ASCC3: variants seen among roughly 807,000 people sequenced by gnomAD.
ASCC3 encodes the protein activating signal cointegrator 1 complex subunit 3, also known as ASC-1 complex subunit P200.
Under a neutral mutation model 256.3 loss-of-function variants are expected in ASCC3, and 158 were observed. That is an observed-to-expected ratio of 0.62 (90% confidence interval 0.54 to 0.70). ASCC3 has a LOEUF of 0.70. Among genes scored for constraint, ASCC3 ranks in the 30% least tolerant of loss-of-function variants. The pLI is 0.00. For synonymous variants in ASCC3, 948 were observed against 883.4 expected (o/e 1.07, Z -1.30); for missense variants, 2,259 against 2,626.0 (o/e 0.86, Z 3.05).
chr6:100,819,352 G>A (rs1770927716), intron 4 of ASCC3, among the ~76,000 whole-genome samples: 1 of 152,142 alleles, frequency 6.6e-6, no homozygotes, highest in South Asian at 2.1e-4. Context: ...AAAACATTAT[G>A]TATTAGTCAG....
chr6:100,645,314 T>A (rs192565975), intron 22 of ASCC3, among the ~76,000 whole-genome samples: 1 of 152,062 alleles, frequency 6.6e-6, no homozygotes, highest in Admixed American at 6.6e-5. Flanking sequence ...AATATAATTT[T>A]GTATCATCTA....
intron 13 of ASCC3, among the ~76,000 whole-genome samples, chr6:100,701,956 AAGAG>A (rs1778377881): frequency 6.6e-6 from 1 of 152,086 alleles, no homozygotes; most frequent in South Asian, 2.1e-4. Flanking sequence ...GAAAGTAAGA[AAGAG>A]AGAGAGAAAT....
rs1304932044 is a variant in ASCC3 at position 100,540,382 on chromosome 6, T to C, written c.5556A>G (p.Ala1852=). Residue 1852 remains alanine (A), a synonymous_variant, in exon 37 of 42, where the codon GCA becomes GCG. Coordinates refer to ENST00000369162, the MANE Select transcript of ASCC3 (RefSeq NM_006828.4). Reference sequence around the variant, plus strand: ...TCACTGGCAAATCTGTATATTCTTCTGCATCCTGAAAAAAAAAAAAAGCCC... The same window carrying C: ...TCACTGGCAAATCTGTATATTCTTCCGCATCCTGAAAAAAAAAAAAAGCCC... ...TEELLSILSD[A]EEYTDLPVRH... is the part of the protein sequence containing the mutation. The C allele has an allele frequency of 1.2e-5, 20 of 1,608,718 alleles. No individual in the cohort carries two copies. Among genetic ancestry groups the C allele is most frequent in the Non-Finnish European group, 8.5e-7 (1 of 1,177,316 alleles).
intron 8 of ASCC3, among the ~76,000 whole-genome samples, chr6:100,784,566 A>C (rs1782603293): frequency 6.6e-6 from 1 of 152,098 alleles, no homozygotes; most frequent in African/African-American, 2.4e-5. Context: ...GATAAGAATG[A>C]AGACATATTT....
At chr6:100,517,616 C>T (rs1774097906) in intron 38 of ASCC3, among the ~76,000 whole-genome samples, 1 of 152,160 alleles carries the variant, frequency 6.6e-6, no homozygotes, top group Non-Finnish European at 1.5e-5. Flanking sequence ...TTTCAGATAT[C>T]TCAAATCTCC....
chr6:100,845,358 C>T (rs1315281681), intron 4 of ASCC3, among the ~76,000 whole-genome samples: 3 of 152,086 alleles, frequency 2.0e-5, no homozygotes, highest in East Asian at 1.9e-4. Context: ...CTTCTCAAAA[C>T]GGAACTTGAT....
intron 24 of ASCC3, among the ~76,000 whole-genome samples, chr6:100,640,746 T>C (rs9485251): frequency 0.086 from 13,069 of 152,170 alleles, 1,371 homozygotes; most frequent in East Asian, 0.45. Flanking sequence ...GACAAGCCTT[T>C]TAGTTCTGTT....
intron 11 of ASCC3, among the ~76,000 whole-genome samples, chr6:100,723,739 T>C (rs960105106): frequency 6.6e-6 from 1 of 150,578 alleles, no homozygotes; most frequent in African/African-American, 2.4e-5. Context: ...TATGATATCG[T>C]ATCTAGGTAT....
chr6:100,608,127 C>CATATATATGTATATATATTT (rs1562161249), intron 30 of ASCC3, among the ~76,000 whole-genome samples: 16 of 113,150 alleles, frequency 1.4e-4, no homozygotes, highest in Middle Eastern at 0.011. Flanking sequence ...TCTATATATA[C>CATATATATGTATATATATTT]ATATATATGT....
intron 10 of ASCC3, among the ~76,000 whole-genome samples, chr6:100,734,043 G>C (rs1452340935): frequency 6.6e-6 from 1 of 152,166 alleles, no homozygotes; most frequent in African/African-American, 2.4e-5. Flanking sequence ...CCAATTTGAT[G>C]CAAATTAGTA....
At chr6:100,817,255 C>T (rs530380461) in intron 4 of ASCC3, among the ~76,000 whole-genome samples, 208 of 151,752 alleles carry the variant, frequency 1.4e-3, no homozygotes, top group African/African-American at 4.8e-3. Context: ...TCCAACAGAA[C>T]AAAACTTACG....
intron 33 of ASCC3, 72 bp downstream of exon 33, chr6:100,605,496 A>G (rs1047601289): frequency 7.0e-6 from 8 of 1,149,984 alleles, no homozygotes; most frequent in Non-Finnish European, 1.0e-5. Context: ...TTTTTATATA[A>G]TAAAATATAA....
chr6:100,759,211 T>G (rs1781323659), intron 10 of ASCC3, among the ~76,000 whole-genome samples: 1 of 152,202 alleles, frequency 6.6e-6, no homozygotes, highest in South Asian at 2.1e-4. Context: ...TGATGATAGT[T>G]TCTTCTGCTG....
chr6:100,755,351 C>T (rs538629244), intron 10 of ASCC3, among the ~76,000 whole-genome samples: 7 of 148,196 alleles, frequency 4.7e-5, no homozygotes, highest in Admixed American at 3.4e-4. Context: ...TATATTTTCC[C>T]CCAATGTGCT....
At chr6:100,613,330 A>AT (rs771571745) in intron 30 of ASCC3, among the ~76,000 whole-genome samples, 12 of 151,868 alleles carry the variant, frequency 7.9e-5, no homozygotes, top group Non-Finnish European at 1.6e-4. Context: ...TTTTAATTTT[A>AT]TTTTTTGTGG....
chr6:100,558,088 G>C (rs1414172787), intron 36 of ASCC3, among the ~76,000 whole-genome samples: 3 of 146,108 alleles, frequency 2.1e-5, no homozygotes, highest in African/African-American at 7.7e-5. Flanking sequence ...AAAAAAACAA[G>C]GACAGGAAGA....
chr6:100,759,343 G>T (rs1218466618), intron 10 of ASCC3, among the ~76,000 whole-genome samples: 1 of 152,100 alleles, frequency 6.6e-6, no homozygotes, highest in Non-Finnish European at 1.5e-5. Flanking sequence ...TAATGTCTAG[G>T]TTTTCTTCTA....
chr6:100,693,764 A>G (rs1460634998), intron 13 of ASCC3, among the ~76,000 whole-genome samples: 3 of 152,220 alleles, frequency 2.0e-5, no homozygotes, highest in Non-Finnish European at 2.9e-5. Flanking sequence ...ATCTTTATGT[A>G]AATTATGAGA....
Position 100,799,492 on chromosome 6 carries a change from G to C in ASCC3, c.1208C>G (p.Pro403Arg). 1.2e-6 allele frequency: 2 copies of C among 1,613,078 alleles called. No individual in the cohort carries two copies. The highest frequency in any genetic ancestry group is 1.7e-6 in the Non-Finnish European group (2 of 1,179,482). ...RDADVEKIHY[P>R]HVYDSQAEAM... The stretch of plus-strand genomic sequence containing the variant: ...TTCAGCCTGGGAATCATACACATGG[G>C]GATAATGTATTTTTTCAACGTCTGC... Residue 403 changes from proline (P) to arginine (R), a missense_variant, in exon 7 of 42, where the codon CCC becomes CGC. This residue lies in a region of ASCC3 where 1,839 missense variants were observed against 2,206.7 expected (regional missense o/e 0.83). Coordinates refer to ENST00000369162, the MANE Select transcript of ASCC3 (RefSeq NM_006828.4).
Sources: gnomAD v4.1 joint callset for allele counts (sites outside exome capture counted in the v4.1 genomes callset) on GRCh38, gnomAD v4.1.1 for gene constraint, gnomAD v4.1.1 regional missense constraint, MANE v1.5 for transcripts, NCBI Gene and HGNC (gene_info 2026-07-23, HGNC 2026-07-21) for gene names.